The following GPR176 variants were observed in gnomAD, a reference collection of about 807,000 sequenced individuals.
The protein encoded by GPR176 is G-protein coupled receptor 176.
In GPR176, 26 loss-of-function variants were observed where a neutral mutation model predicts 35.4. The observed-to-expected ratio is 0.74, with a 90% CI of 0.54 to 1.02. The LOEUF (loss-of-function observed/expected upper bound fraction) is 1.02, where lower values mean the gene tolerates loss of function less well. Ranked by LOEUF, GPR176 falls within the 50% of genes least tolerant of loss-of-function variation. The pLI, the probability that GPR176 is intolerant of heterozygous loss-of-function variation, is 0.00. For missense variants in GPR176, 597 were observed against 665.3 expected (o/e 0.90, Z 1.13); for synonymous variants, 278 against 271.3 (o/e 1.02, Z -0.24).
intron 1 of GPR176, among the ~76,000 whole-genome samples, chr15:39,811,022 C>A (rs1323298078): frequency 6.6e-6 from 1 of 152,116 alleles, no homozygotes; most frequent in Admixed American, 6.6e-5. Flanking sequence ...TTAGGAAAGG[C>A]TTTTAACTAA....
chr15:39,849,133 C>T (rs985550078), intron 1 of GPR176, among the ~76,000 whole-genome samples: 6 of 152,010 alleles, frequency 3.9e-5, no homozygotes, highest in East Asian at 1.9e-4. Flanking sequence ...AGAAACAAAA[C>T]GGGATAGCTA....
chr15:39,835,390 TA>T (rs1901335655), intron 1 of GPR176, among the ~76,000 whole-genome samples: 1 of 152,006 alleles, frequency 6.6e-6, no homozygotes, highest in South Asian at 2.1e-4. Flanking sequence ...AAAATTTTAT[TA>T]AAAAACAAAA....
At chr15:39,805,057 C>T (rs1047283400) in intron 2 of GPR176, among the ~76,000 whole-genome samples, 1 of 152,144 alleles carries the variant, frequency 6.6e-6, no homozygotes, top group Admixed American at 6.5e-5. Flanking sequence ...AATTCATTGA[C>T]TTGTATACTT....
intron 1 of GPR176, among the ~76,000 whole-genome samples, chr15:39,851,107 A>G (rs1316156869): frequency 1.3e-5 from 2 of 152,204 alleles, no homozygotes; most frequent in Non-Finnish European, 2.9e-5. Flanking sequence ...TAATGCCATC[A>G]TTTACTGAGA....
intron 1 of GPR176, among the ~76,000 whole-genome samples, chr15:39,831,453 C>T (rs1439046096): frequency 6.6e-6 from 1 of 152,138 alleles, no homozygotes; most frequent in East Asian, 1.9e-4. Context: ...GCCTCACAGA[C>T]ACCTCAAAGT....
intron 1 of GPR176, among the ~76,000 whole-genome samples, chr15:39,913,836 G>A (rs577893204): frequency 1.6e-4 from 24 of 152,258 alleles, no homozygotes; most frequent in African/African-American, 5.5e-4. Context: ...CACAAGGTCA[G>A]GAGATCAAGA....
At chr15:39,852,218 A>T (rs1482471251) in intron 1 of GPR176, among the ~76,000 whole-genome samples, 1 of 152,124 alleles carries the variant, frequency 6.6e-6, no homozygotes, top group Admixed American at 6.6e-5. Context: ...GGGGTTTCCA[A>T]ATGGCCTTAG....
chr15:39,880,732 G>A (rs565074591), intron 1 of GPR176, among the ~76,000 whole-genome samples: 131 of 152,014 alleles, frequency 8.6e-4, no homozygotes, highest in African/African-American at 3.1e-3. Context: ...CTGTCTTAAC[G>A]CAACCTTCAC....
At chr15:39,824,043 C>T (rs188979431) in intron 1 of GPR176, among the ~76,000 whole-genome samples, 1 of 152,278 alleles carries the variant, frequency 6.6e-6, no homozygotes, top group East Asian at 1.9e-4. Flanking sequence ...TTATGAATGG[C>T]CCGGTGCCAT....
At chr15:39,870,413 A>T (rs2032001218) in intron 1 of GPR176, among the ~76,000 whole-genome samples, 1 of 152,226 alleles carries the variant, frequency 6.6e-6, no homozygotes, top group Non-Finnish European at 1.5e-5. Context: ...AGAGAGCAGC[A>T]AAAGGGAATG....
intron 1 of GPR176, among the ~76,000 whole-genome samples, chr15:39,917,663 T>C (rs375824051): frequency 3.6e-4 from 55 of 151,480 alleles, no homozygotes; most frequent in African/African-American, 1.3e-3. Context: ...AAACCAGACA[T>C]ACTGTCCATA....
At chr15:39,915,039 C>T (rs948914555) in intron 1 of GPR176, among the ~76,000 whole-genome samples, 2 of 152,180 alleles carry the variant, frequency 1.3e-5, no homozygotes, top group Non-Finnish European at 2.9e-5. Context: ...ACTTCAATAA[C>T]CACCTCATGG....
intron 1 of GPR176, among the ~76,000 whole-genome samples, chr15:39,837,616 A>G (rs557681660): frequency 6.6e-6 from 1 of 152,276 alleles, no homozygotes; most frequent in South Asian, 2.1e-4. Flanking sequence ...TGGTGATACT[A>G]GTAGTGGTAA....
intron 1 of GPR176, among the ~76,000 whole-genome samples, chr15:39,839,572 G>A (rs1313571137): frequency 2.0e-5 from 3 of 152,098 alleles, no homozygotes; most frequent in African/African-American, 7.2e-5. Context: ...GCATGGGCAA[G>A]GACTTCATGA....
intron 1 of GPR176, among the ~76,000 whole-genome samples, chr15:39,865,757 GA>G (rs2031802678): frequency 6.6e-6 from 1 of 152,000 alleles, no homozygotes; most frequent in Admixed American, 6.5e-5. Flanking sequence ...AAACCCTATG[GA>G]AAAAATATCT....
At chr15:39,819,856 T>C (rs1291945974) in intron 1 of GPR176, among the ~76,000 whole-genome samples, 1 of 152,240 alleles carries the variant, frequency 6.6e-6, no homozygotes, top group Non-Finnish European at 1.5e-5. Flanking sequence ...GGACCTAGCA[T>C]AGCTGATGTG....
intron 1 of GPR176, among the ~76,000 whole-genome samples, chr15:39,916,161 T>C (rs561262742): frequency 2.1e-3 from 315 of 152,246 alleles, no homozygotes; most frequent in Middle Eastern, 3.4e-3. Context: ...AAAAGAGAAA[T>C]ATTAACTCTG....
intron 1 of GPR176, among the ~76,000 whole-genome samples, chr15:39,903,715 T>A (rs1276859873): frequency 6.6e-6 from 1 of 152,134 alleles, no homozygotes; most frequent in Non-Finnish European, 1.5e-5. Flanking sequence ...TATGGAGACT[T>A]TGAACAAAAC....
At chr15:39,885,563 T>A (rs991959087) in intron 1 of GPR176, among the ~76,000 whole-genome samples, 3 of 152,198 alleles carry the variant, frequency 2.0e-5, no homozygotes, top group African/African-American at 7.2e-5. Flanking sequence ...CTGAGGGCAG[T>A]CCCCTGGTCT....
Sources: allele counts gnomAD v4.1 joint callset (sites outside exome capture counted in the v4.1 genomes callset), GRCh38; gene constraint gnomAD v4.1.1; transcripts MANE v1.5; gene names NCBI Gene and HGNC (gene_info 2026-07-23, HGNC 2026-07-21).